DDX60: variants seen among roughly 807,000 people sequenced by gnomAD.
DDX60 encodes the protein DExD/H-box helicase 60.
A neutral mutation model predicts 212.8 loss-of-function variants in DDX60; 165 were observed. The observed-to-expected ratio is 0.78, with a 90% CI of 0.68 to 0.88. The LOEUF (loss-of-function observed/expected upper bound fraction) is 0.88, where lower values mean the gene tolerates loss of function less well. Ranked by LOEUF, DDX60 falls within the 40% of genes least tolerant of loss-of-function variation. The pLI is 0.00. For missense variants in DDX60, 1,905 were observed against 2,003.9 expected, an observed-to-expected ratio of 0.95 and a Z score of 0.94; for synonymous variants, 703 against 685.3, an observed-to-expected ratio of 1.03 and a Z score of -0.40.
intron 15 of DDX60, 87 bp from the exon 16 acceptor site, chr4:168,275,590 C>G: frequency 8.6e-7 from 1 of 1,158,568 alleles, no homozygotes; most frequent in Non-Finnish European, 1.2e-6. Context: ...TGAGCACTTT[C>G]TATGTGAAAA....
At chr4:168,229,761 C>G (rs1357336602) in intron 33 of DDX60, among the ~76,000 whole-genome samples, 1 of 151,932 alleles carries the variant, frequency 6.6e-6, no homozygotes, top group East Asian at 1.9e-4. Context: ...ATAGAACCTC[C>G]TTAAAGCATA....
At chr4:168,219,944 G>A (rs1306297463) in intron 37 of DDX60, among the ~76,000 whole-genome samples, 1 of 151,954 alleles carries the variant, frequency 6.6e-6, no homozygotes, top group African/African-American at 2.4e-5. Context: ...ATTGAGGCAG[G>A]AGAACTGCTT....
intron 11 of DDX60, 134 bp downstream of exon 11, chr4:168,285,259 T>C: frequency 1.5e-6 from 1 of 654,966 alleles, no homozygotes; most frequent in South Asian, 1.9e-5. Context: ...AAATTTTGAT[T>C]TTAAATTCAT....
At chr4:168,314,846 GAAC>G (rs940645424) in intron 1 of DDX60, among the ~76,000 whole-genome samples, 1 of 152,048 alleles carries the variant, frequency 6.6e-6, no homozygotes, top group African/African-American at 2.4e-5. Context: ...TAGAACTAAA[GAAC>G]AACATAATGT....
intron 32 of DDX60, 79 bp from the exon 33 acceptor site, chr4:168,236,452 T>C: frequency 1.6e-6 from 2 of 1,279,318 alleles, no homozygotes; most frequent in South Asian, 3.0e-5. Context: ...AATGTCATAT[T>C]ACATTTAATT....
At chr4:168,228,499 C>T (rs1209551901) in intron 33 of DDX60, among the ~76,000 whole-genome samples, 1 of 151,862 alleles carries the variant, frequency 6.6e-6, no homozygotes, top group Non-Finnish European at 1.5e-5. Context: ...CTTTTGTTAA[C>T]ATGTATGTGC....
Position 168,293,895 on chromosome 4 carries a change from G to A in DDX60, c.774C>T (p.Asp258=). ...LLTQVWPEGS[D]IRRVFCVTSC... Reference sequence around the variant, plus strand: ...AAGTAACACAAAAGACACGCCGAATGTCAGATCCTTCTGGCCAGACTTGTG... The same window carrying A: ...AAGTAACACAAAAGACACGCCGAATATCAGATCCTTCTGGCCAGACTTGTG... The change falls in exon 7 of 38, where the codon GAC becomes GAT. Residue 258 remains aspartate (D), a synonymous_variant. Transcript: ENST00000393743. The A allele has an allele frequency of 2.5e-6, 4 of 1,614,058 alleles. No individual in the cohort carries two copies. The highest frequency in any genetic ancestry group is 3.4e-6 in the Non-Finnish European group (4 of 1,179,974).
At chr4:168,250,876 T>G in intron 28 of DDX60, 78 bp downstream of exon 28, 1 of 1,249,090 alleles carries the variant, frequency 8.0e-7, no homozygotes, top group Non-Finnish European at 1.1e-6. Flanking sequence ...AAATGGTGGT[T>G]GTATTCTTTA....
chr4:168,316,409 A>G (rs986126477), intron 1 of DDX60, among the ~76,000 whole-genome samples: 1 of 152,222 alleles, frequency 6.6e-6, no homozygotes, highest in Non-Finnish European at 1.5e-5. Flanking sequence ...AAATAATAAT[A>G]TAATTAACCA....
intron 1 of DDX60, 108 bp from the exon 2 acceptor site, chr4:168,311,473 C>G: frequency 3.9e-6 from 2 of 511,776 alleles, no homozygotes; most frequent in Non-Finnish European, 7.0e-6. Flanking sequence ...ATGAACAAAT[C>G]AACATTGCTG....
intron 30 of DDX60, 97 bp downstream of exon 30, chr4:168,246,320 TC>T: frequency 7.2e-7 from 1 of 1,389,638 alleles, no homozygotes. Context: ...CTGATGAAAC[TC>T]AAGGGTGATT....
At chr4:168,220,816 G>T (rs1733025706) in intron 36 of DDX60, 99 bp from the exon 37 acceptor site, 2 of 594,578 alleles carry the variant, frequency 3.4e-6, no homozygotes, top group Non-Finnish European at 5.2e-6. Flanking sequence ...GGTTGCTTTT[G>T]TCTGTCAAGA....
chr4:168,259,946 C>T (rs960269551), intron 25 of DDX60, among the ~76,000 whole-genome samples: 1 of 151,278 alleles, frequency 6.6e-6, no homozygotes, highest in Non-Finnish European at 1.5e-5. Context: ...TTGCAAAGAA[C>T]CTTTATGTAT....
At position 168,275,345 on chromosome 4, in the gene DDX60, C is replaced by T; in HGVS notation, c.2304G>A (p.Gln768=). 1 of 1,599,808 alleles carries T rather than the reference C, an allele frequency of 6.3e-7. No individual in the cohort carries two copies. Among genetic ancestry groups the T allele is most frequent in the Non-Finnish European group, 8.5e-7 (1 of 1,174,166 alleles). ...RVQDFIPDTW[Q]RELLDVVDKN... is the part of the protein sequence containing the mutation. ...ATTTTTGTTTCATTTGCAGTATTAC[C>T]TGCCATGTGTCGGGAATAAAATCCT... Residue 768 remains glutamine, a splice_region_variant and synonymous_variant, in exon 16 of 38, where the codon CAG becomes CAA. Transcript: ENST00000393743.
At chr4:168,252,951 T>C (rs1560829138) in intron 26 of DDX60, among the ~76,000 whole-genome samples, 1 of 152,066 alleles carries the variant, frequency 6.6e-6, no homozygotes, top group East Asian at 1.9e-4. Context: ...ATTACAGGTG[T>C]CCACCACCGC....
chr4:168,288,410 G>T, intron 8 of DDX60, 95 bp from the exon 9 acceptor site: 1 of 844,872 alleles, frequency 1.2e-6, no homozygotes, highest in East Asian at 3.1e-5. Context: ...GCAGTGGGCA[G>T]GATCATTCCA....
rs543774818 is a variant in DDX60, at chr4:168,258,686, A to G, written c.3398+2179T>C. Among the ~76,000 whole-genome samples, 20 of 152,310 alleles carry G rather than the reference A, an allele frequency of 1.3e-4. 1 individual carries two copies. Among genetic ancestry groups the G allele is most frequent in the African/African-American group, 4.3e-4 (18 of 41,576 alleles). On this transcript the variant is annotated intron_variant, in intron 25 of 37. Coordinates refer to ENST00000393743, the MANE Select transcript of DDX60 (RefSeq NM_017631.6). ...TTTTCTGAAATATTTTAGTTTTAAA[A>G]TATTTTAAGTATGTGAAGGATTTTG...
the DDX60 span, among the ~76,000 whole-genome samples, chr4:168,325,756 G>A: frequency 6.6e-6 from 1 of 152,218 alleles, no homozygotes; most frequent in Non-Finnish European, 1.5e-5. Context: ...TTGGCCAACA[G>A]ATACACAACA....
chr4:168,273,396 G>A lies in DDX60; in HGVS notation c.2457C>T (p.Ala819=). 2 of 1,613,206 alleles carry A rather than the reference G, an allele frequency of 1.2e-6. No homozygotes were observed. The highest frequency in any genetic ancestry group is 1.7e-6 in the Non-Finnish European group (2 of 1,179,652). The change falls in exon 18 of 38, where the codon GCC becomes GCT. Residue 819 remains alanine (A), a splice_region_variant and synonymous_variant. Coordinates refer to ENST00000393743, the MANE Select transcript of DDX60 (RefSeq NM_017631.6). ...GVVVYVAPTK[A]LVNQVAATVQ... The stretch of plus-strand genomic sequence containing the variant: ...CAGTTGCTGCCACTTGATTAACAAG[G>A]GCCTGATTGACAAAGAAAAAGATCC...
Sources: allele counts gnomAD v4.1 joint callset (sites outside exome capture counted in the v4.1 genomes callset), GRCh38; gene constraint gnomAD v4.1.1; transcripts MANE v1.5; gene names NCBI Gene and HGNC (gene_info 2026-07-23, HGNC 2026-07-21).